The following DCC variants were observed in gnomAD, a reference collection of about 807,000 sequenced individuals.
DCC encodes netrin receptor DCC.
In DCC, 58 loss-of-function variants were observed where a neutral mutation model predicts 172.5. The ratio of observed to expected loss-of-function variants is 0.34; its 90% confidence interval spans 0.27 to 0.42. DCC has a LOEUF of 0.42. DCC is among the 10% of genes least tolerant of loss of function. The pLI is 1.00. For synonymous variants in DCC, 709 were observed against 644.5 expected (o/e 1.10, Z -1.52); for missense variants, 1,740 against 1,791.0 (o/e 0.97, Z 0.51).
At chr18:53,196,462 G>T (rs2055444130) in intron 9 of DCC, among the ~76,000 whole-genome samples, 1 of 152,156 alleles carries the variant, frequency 6.6e-6, no homozygotes, top group Admixed American at 6.5e-5. Context: ...CTTCCTGAAA[G>T]ACCTTATCTG....
At chr18:52,856,084 T>C (rs1439791074) in intron 2 of DCC, among the ~76,000 whole-genome samples, 1 of 151,970 alleles carries the variant, frequency 6.6e-6, no homozygotes, top group Non-Finnish European at 1.5e-5. Context: ...TAAATTCTTA[T>C]GGTGGCTTGT....
intron 12 of DCC, among the ~76,000 whole-genome samples, chr18:53,241,481 AG>A (rs2056293248): frequency 6.6e-6 from 1 of 152,148 alleles, no homozygotes; most frequent in Non-Finnish European, 1.5e-5. Flanking sequence ...TCTGAACCAA[AG>A]CTTCCCGCAG....
At chr18:53,526,123 G>A (rs575414894) in intron 27 of DCC, among the ~76,000 whole-genome samples, 1 of 130,060 alleles carries the variant, frequency 7.7e-6, no homozygotes, top group Non-Finnish European at 1.6e-5. Flanking sequence ...AAAAATGATA[G>A]TCTATCAAAT....
intron 1 of DCC, among the ~76,000 whole-genome samples, chr18:52,724,183 GT>G (rs879855864): frequency 2.0e-5 from 3 of 152,046 alleles, no homozygotes; most frequent in Admixed American, 6.6e-5. Context: ...GTCTCACTCT[GT>G]TGCCCAGGCT....
In DCC at chr18:52,853,713, C is replaced by T. The variant is rs76673464; in HGVS notation, c.413-52331C>T. ...AACAGAGTGTCTGTCTAATGTTTCA[C>T]TACTTCAGGCTCTCACTGTTCCTAG... is the stretch of plus-strand genomic sequence containing the variant. On this transcript the variant is annotated intron_variant, in intron 2 of 28. Coordinates refer to ENST00000442544, the MANE Select transcript of DCC (RefSeq NM_005215.4). 7.0e-4 allele frequency among the ~76,000 whole-genome samples: 106 copies of T among 152,330 alleles called. 3 individuals carry two copies. The East Asian group carries it at 0.018, about 26-fold the overall frequency.
At chr18:52,928,243 G>C (rs8097596) in intron 5 of DCC, among the ~76,000 whole-genome samples, 1 of 152,058 alleles carries the variant, frequency 6.6e-6, no homozygotes, top group Non-Finnish European at 1.5e-5. Context: ...TGTGTCCTTA[G>C]GTACTTGATG....
chr18:52,452,358 AT>A (rs1988331617), intron 1 of DCC, among the ~76,000 whole-genome samples: 1 of 152,230 alleles, frequency 6.6e-6, no homozygotes, highest in African/African-American at 2.4e-5. Context: ...TTTATTATGC[AT>A]TATGTGTCTT....
chr18:52,486,023 G>T (rs912164389), intron 1 of DCC, among the ~76,000 whole-genome samples: 1 of 152,148 alleles, frequency 6.6e-6, no homozygotes, highest in East Asian at 1.9e-4. Flanking sequence ...TAGAGACAGG[G>T]TCTTGTTCTG....
intron 1 of DCC, among the ~76,000 whole-genome samples, chr18:52,488,436 C>T (rs1461954565): frequency 6.6e-6 from 1 of 151,998 alleles, no homozygotes; most frequent in Non-Finnish European, 1.5e-5. Flanking sequence ...TAGGATAGAT[C>T]TGAGGTAGGA....
chr18:53,471,334 A>G (rs1286141849), intron 25 of DCC, among the ~76,000 whole-genome samples: 1 of 152,210 alleles, frequency 6.6e-6, no homozygotes, highest in East Asian at 1.9e-4. Context: ...AGTTATTTTT[A>G]AATGTACAAT....
intron 2 of DCC, among the ~76,000 whole-genome samples, chr18:52,777,301 T>C (rs1337503683): frequency 1.3e-5 from 1 of 74,616 alleles, no homozygotes. Context: ...GGGACCACAG[T>C]GGCCCTGAAG....
chr18:52,756,367 C>T (rs887116128), intron 2 of DCC, among the ~76,000 whole-genome samples: 3 of 152,078 alleles, frequency 2.0e-5, no homozygotes, highest in African/African-American at 7.2e-5. Context: ...GGGCTTTATG[C>T]CATATAAAGA....
At chr18:52,688,309 T>C (rs2035874338) in intron 1 of DCC, among the ~76,000 whole-genome samples, 1 of 152,138 alleles carries the variant, frequency 6.6e-6, no homozygotes, top group Non-Finnish European at 1.5e-5. Flanking sequence ...CCAGTAACTC[T>C]GAAAAGCCAA....
At chr18:53,163,219 C>T (rs375793374) in intron 8 of DCC, among the ~76,000 whole-genome samples, 14 of 152,236 alleles carry the variant, frequency 9.2e-5, no homozygotes, top group African/African-American at 3.4e-4. Context: ...CTGATCAGAA[C>T]TGATATGGTA....
At chr18:52,841,731 G>T (rs541571240) in intron 2 of DCC, among the ~76,000 whole-genome samples, 2 of 152,266 alleles carry the variant, frequency 1.3e-5, no homozygotes, top group African/African-American at 4.8e-5. Flanking sequence ...TGTTGGGAGT[G>T]CTGGCTGGCA....
chr18:53,418,649 A>G (rs1018403879), intron 21 of DCC, among the ~76,000 whole-genome samples: 2 of 152,166 alleles, frequency 1.3e-5, no homozygotes, highest in Non-Finnish European at 2.9e-5. Context: ...TTTGACTTAT[A>G]TGAGAGAAAG....
At chr18:53,402,183 A>G (rs897658687) in intron 18 of DCC, among the ~76,000 whole-genome samples, 18 of 152,266 alleles carry the variant, frequency 1.2e-4, no homozygotes, top group Admixed American at 8.5e-4. Context: ...TTCTGAAGAC[A>G]TGTAATCATC....
chr18:52,833,808 G>A (rs558925551), intron 2 of DCC, among the ~76,000 whole-genome samples: 48 of 152,172 alleles, frequency 3.2e-4, no homozygotes, highest in Non-Finnish European at 5.4e-4. Context: ...CTACAGGCGC[G>A]TGGCACCATG....
intron 25 of DCC, among the ~76,000 whole-genome samples, chr18:53,480,432 A>C (rs1568159383): frequency 6.6e-6 from 1 of 152,210 alleles, no homozygotes; most frequent in Non-Finnish European, 1.5e-5. Context: ...TATCTTTCTC[A>C]TGTCAAAAAT....
Sources: gnomAD v4.1 joint callset for allele counts (sites outside exome capture counted in the v4.1 genomes callset) on GRCh38, gnomAD v4.1.1 for gene constraint, MANE v1.5 for transcripts, NCBI Gene and HGNC (gene_info 2026-07-23, HGNC 2026-07-21) for gene names.